Variants in GABRA3 observed in about 807,000 individuals in gnomAD.
GABRA3 encodes gamma-aminobutyric acid receptor subunit alpha-3.
In GABRA3, 10 loss-of-function variants were observed where a neutral mutation model predicts 30.1. The ratio of observed to expected loss-of-function variants is 0.33; its 90% confidence interval spans 0.20 to 0.56. GABRA3 has a LOEUF of 0.56. Ranked by LOEUF, GABRA3 falls within the 20% of genes least tolerant of loss-of-function variation. The probability of loss-of-function intolerance (pLI) is 0.89; values close to 1 mark genes in which losing one functional copy is unlikely to be tolerated. For missense variants in GABRA3, 233 were observed against 392.0 expected, an observed-to-expected ratio of 0.59 and a Z score of 3.42; for synonymous variants, 151 against 146.8, an observed-to-expected ratio of 1.03 and a Z score of -0.21.
intron 4 of GABRA3, among the ~76,000 whole-genome samples, chrX:152,266,867 A>G (rs1938834744): frequency 8.9e-6 from 1 of 111,887 alleles, no homozygotes; most frequent in Admixed American, 9.5e-5. Context: ...CACCACATAA[A>G]ACTCTGCATA....
chrX:152,259,213 C>T (rs1938688079), intron 4 of GABRA3, among the ~76,000 whole-genome samples: 1 of 112,112 alleles, frequency 8.9e-6, no homozygotes, highest in African/African-American at 3.2e-5. Context: ...CTGATCCCAG[C>T]AGTTGCAACT....
chrX:152,279,348 C>T (rs749598870), intron 4 of GABRA3, among the ~76,000 whole-genome samples: 1 of 111,748 alleles, frequency 8.9e-6, no homozygotes, highest in Non-Finnish European at 1.9e-5. Context: ...GTTTTCCCAG[C>T]ACCATTTATT....
chrX:152,445,060 C>CAA (rs1204814043), intron 1 of GABRA3, among the ~76,000 whole-genome samples: 225 of 18,682 alleles, frequency 0.012, 13 homozygotes, highest in African/African-American at 0.022. Context: ...GACTCCGTCT[C>CAA]AAAAAAAAAA....
chrX:152,430,154 AC>A (rs1930618061), intron 1 of GABRA3, among the ~76,000 whole-genome samples: 1 of 111,985 alleles, frequency 8.9e-6, no homozygotes, highest in African/African-American at 3.2e-5. Context: ...AGTGATGACA[AC>A]TAAATCATAA....
At chrX:152,280,611 G>T (rs4416959) in intron 4 of GABRA3, among the ~76,000 whole-genome samples, 1 of 111,474 alleles carries the variant, frequency 9.0e-6, no homozygotes, top group African/African-American at 3.3e-5. Context: ...CTGTTGTCTA[G>T]AATTATTACT....
chrX:152,387,671 A>G (rs1199961237), intron 1 of GABRA3, among the ~76,000 whole-genome samples: 1 of 112,158 alleles, frequency 8.9e-6, no homozygotes, highest in Non-Finnish European at 1.9e-5. Flanking sequence ...TGTTGATTAC[A>G]TTGATATATA....
chrX:152,294,669 TG>T lies in GABRA3; in HGVS notation c.263-9935del. 2.7e-5 allele frequency among the ~76,000 whole-genome samples: 3 copies of T among 111,613 alleles called. No individual in the cohort carries two copies. The South Asian group carries it at 1.1e-3, about 42-fold the overall frequency. ...CATTCTCCATCCAGCTTTGTTCCAT[TG>T]CTGGTGAGGAGCTGCGATCCTTTGG... On this transcript the variant is annotated intron_variant, in intron 3 of 9. Coordinates refer to ENST00000370314, the MANE Select transcript of GABRA3 (RefSeq NM_000808.4).
At chrX:152,314,404 T>C (rs1939842059) in intron 3 of GABRA3, among the ~76,000 whole-genome samples, 1 of 112,185 alleles carries the variant, frequency 8.9e-6, no homozygotes, top group Non-Finnish European at 1.9e-5. Context: ...TAGAATAAAA[T>C]CTTATTTTAA....
At chrX:152,426,682 G>A (rs1602724395) in intron 1 of GABRA3, among the ~76,000 whole-genome samples, 2 of 111,513 alleles carry the variant, frequency 1.8e-5, no homozygotes, top group Admixed American at 9.5e-5. Context: ...TTCCTTATTC[G>A]AAGTGGTTTA....
chrX:152,432,639 A>G (rs916030022), intron 1 of GABRA3, among the ~76,000 whole-genome samples: 1 of 111,387 alleles, frequency 9.0e-6, no homozygotes, highest in Non-Finnish European at 1.9e-5. Flanking sequence ...CTCTGCATAC[A>G]ATAAAAAAAG....
At chrX:152,430,371 T>C (rs1930623223) in intron 1 of GABRA3, among the ~76,000 whole-genome samples, 1 of 110,916 alleles carries the variant, frequency 9.0e-6, no homozygotes, top group South Asian at 3.8e-4. Flanking sequence ...ATTGAATATA[T>C]GGTAGGGTAG....
intron 4 of GABRA3, among the ~76,000 whole-genome samples, chrX:152,269,811 C>T (rs891445336): frequency 8.9e-6 from 1 of 111,859 alleles, no homozygotes; most frequent in Admixed American, 9.5e-5. Context: ...ATAAACTCGT[C>T]CCCTATCTCT....
At chrX:152,182,439 T>C (rs1466698939) in intron 9 of GABRA3, among the ~76,000 whole-genome samples, 15 of 89,959 alleles carry the variant, frequency 1.7e-4, no homozygotes, top group South Asian at 5.2e-4. Context: ...ATATAGTATG[T>C]ATACACACTA....
chrX:152,205,968 T>G (rs1305675869), intron 7 of GABRA3, among the ~76,000 whole-genome samples: 1 of 112,721 alleles, frequency 8.9e-6, no homozygotes, highest in African/African-American at 3.2e-5. Context: ...CCTCCATGTA[T>G]TTCTAATTTT....
At chrX:152,239,000 C>T (rs142069329) in intron 5 of GABRA3, among the ~76,000 whole-genome samples, 7,894 of 109,505 alleles carry the variant, frequency 0.072, 323 homozygotes, top group Non-Finnish European at 0.12. Flanking sequence ...TCCTTCAGTT[C>T]TGCTCTGATT....
At chrX:152,177,846 T>G (rs1432520091) in intron 9 of GABRA3, among the ~76,000 whole-genome samples, 3 of 111,836 alleles carry the variant, frequency 2.7e-5, no homozygotes, top group Non-Finnish European at 3.8e-5. Context: ...AATACAATAA[T>G]GTTGCTAAGT....
intron 6 of GABRA3, among the ~76,000 whole-genome samples, chrX:152,219,838 A>C (rs1439503493): frequency 8.9e-6 from 1 of 111,796 alleles, no homozygotes; most frequent in Non-Finnish European, 1.9e-5. Context: ...AAAGCACTAT[A>C]TACTATACAC....
intron 1 of GABRA3, among the ~76,000 whole-genome samples, chrX:152,425,596 G>A (rs1054436413): frequency 9.0e-6 from 1 of 111,342 alleles, no homozygotes; most frequent in East Asian, 2.8e-4. Context: ...TTATGGGTTC[G>A]GGGAAAGAAC....
intron 4 of GABRA3, among the ~76,000 whole-genome samples, 179 bp downstream of exon 4, chrX:152,284,489 G>T (rs1320789092): frequency 9.0e-6 from 1 of 111,601 alleles, no homozygotes; most frequent in Non-Finnish European, 1.9e-5. Context: ...TATGTGAATA[G>T]GTGGGGAGAG....
Sources: gnomAD v4.1 joint callset for allele counts (sites outside exome capture counted in the v4.1 genomes callset) on GRCh38, gnomAD v4.1.1 for gene constraint, MANE v1.5 for transcripts, NCBI Gene and HGNC (gene_info 2026-07-23, HGNC 2026-07-21) for gene names.